ZNF521: variants seen among roughly 807,000 people sequenced by gnomAD.
ZNF521 encodes the protein zinc finger protein 521, also known as LYST-interacting protein 3.
A neutral mutation model predicts 105.5 loss-of-function variants in ZNF521; 14 were observed. The ratio of observed to expected loss-of-function variants is 0.13; its 90% CI spans 0.09 to 0.21. The LOEUF (loss-of-function observed/expected upper bound fraction) is 0.21, where lower values mean the gene tolerates loss of function less well. Ranked by LOEUF, ZNF521 falls within the 10% of genes least tolerant of loss-of-function variation. The pLI is 1.00. For missense variants in ZNF521, 1,233 were observed against 1,629.7 expected, an observed-to-expected ratio of 0.76 and a Z score of 4.19; for synonymous variants, 635 against 606.0, an observed-to-expected ratio of 1.05 and a Z score of -0.70.
intron 5 of ZNF521, among the ~76,000 whole-genome samples, chr18:25,162,065 C>G (rs1466080751): frequency 6.6e-6 from 1 of 152,126 alleles, no homozygotes; most frequent in South Asian, 2.1e-4. Flanking sequence ...TCATGTTTTC[C>G]CAAGAGAAAC....
rs111884906 is a variant in ZNF521 at position 25,149,367 on chromosome 18, C to T, written c.3658+45793G>A. Among the ~76,000 whole-genome samples the T allele has an allele frequency of 1.7e-4, 26 of 152,212 alleles. No individual in the cohort carries two copies. The East Asian group carries it at 1.7e-3, about 10-fold the overall frequency. On this transcript the variant is annotated intron_variant, in intron 5 of 7. Transcript: ENST00000361524. ...ATAGTAAGTATTAAATGGTAAAACACGTGTAAATTTGCTTTGATAACCAGA... is the reference window on the plus strand; with the variant it reads ...ATAGTAAGTATTAAATGGTAAAACATGTGTAAATTTGCTTTGATAACCAGA...
chr18:25,334,256 A>T (rs554290072), intron 2 of ZNF521, among the ~76,000 whole-genome samples: 1 of 152,320 alleles, frequency 6.6e-6, no homozygotes, highest in East Asian at 1.9e-4. Context: ...GTAGAAAAGG[A>T]GAGGGAACTC....
chr18:25,146,591 A>G (rs2034948471), intron 5 of ZNF521, among the ~76,000 whole-genome samples: 1 of 152,190 alleles, frequency 6.6e-6, no homozygotes, highest in African/African-American at 2.4e-5. Flanking sequence ...CCCCATCTTT[A>G]TTAGAAAAAC....
intron 3 of ZNF521, among the ~76,000 whole-genome samples, chr18:25,320,411 T>C (rs376368093): frequency 4.6e-5 from 7 of 152,186 alleles, no homozygotes; most frequent in African/African-American, 1.7e-4. Flanking sequence ...CCTCAGATGA[T>C]CCACCTGCCT....
At chr18:25,085,783 T>G (rs2033610383) in intron 7 of ZNF521, among the ~76,000 whole-genome samples, 2 of 151,938 alleles carry the variant, frequency 1.3e-5, no homozygotes, top group African/African-American at 4.8e-5. Flanking sequence ...AACAAAGCAC[T>G]TCTATCCACA....
intron 2 of ZNF521, among the ~76,000 whole-genome samples, chr18:25,345,735 T>C (rs1371317747): frequency 6.6e-6 from 1 of 152,202 alleles, no homozygotes; most frequent in Non-Finnish European, 1.5e-5. Context: ...GATTGGACTA[T>C]AATGAATTTA....
At chr18:25,198,616 G>GA (rs552587473) in intron 4 of ZNF521, among the ~76,000 whole-genome samples, 103 of 151,424 alleles carry the variant, frequency 6.8e-4, no homozygotes, top group Middle Eastern at 3.4e-3. Context: ...AAACAGAAAA[G>GA]AAAAAAAATT....
chr18:25,246,257 CTT>C (rs1907713302), intron 3 of ZNF521, among the ~76,000 whole-genome samples: 1 of 151,940 alleles, frequency 6.6e-6, no homozygotes, highest in Non-Finnish European at 1.5e-5. Context: ...AAAAGAAAGT[CTT>C]ATGATCTTTA....
At chr18:25,266,055 C>G (rs1381481990) in intron 3 of ZNF521, among the ~76,000 whole-genome samples, 1 of 151,890 alleles carries the variant, frequency 6.6e-6, no homozygotes, top group African/African-American at 2.4e-5. Flanking sequence ...TAGTAGGGGT[C>G]TGGGGGAAAG....
chr18:25,260,473 CT>C (rs1419640984), intron 3 of ZNF521, among the ~76,000 whole-genome samples: 1 of 152,100 alleles, frequency 6.6e-6, no homozygotes, highest in Non-Finnish European at 1.5e-5. Flanking sequence ...GTTACTTAAC[CT>C]TTTCTTCAGA....
intron 3 of ZNF521, among the ~76,000 whole-genome samples, chr18:25,262,091 A>T (rs938821125): frequency 1.3e-5 from 2 of 152,230 alleles, no homozygotes; most frequent in Non-Finnish European, 2.9e-5. Context: ...AAGTCCCTAT[A>T]CAGTACAAGG....
intron 5 of ZNF521, among the ~76,000 whole-genome samples, chr18:25,146,046 T>C (rs1352251343): frequency 2.0e-5 from 3 of 152,204 alleles, no homozygotes; most frequent in Non-Finnish European, 4.4e-5. Context: ...ATTATTTTAC[T>C]TCAACCTTCA....
rs531941000 is a variant in ZNF521, at chr18:25,298,851, A to C, written c.220+23157T>G. Among the ~76,000 whole-genome samples, 17 of 152,346 alleles carry C rather than the reference A, an allele frequency of 1.1e-4. 1 individual carries two copies. The South Asian group carries it at 3.5e-3, about 32-fold the overall frequency. On this transcript the variant is annotated intron_variant, in intron 3 of 7. Coordinates refer to ENST00000361524, the MANE Select transcript of ZNF521 (RefSeq NM_015461.3). ...AACACACCTATAGCTTCACAGAGTGAAATAAATCATTCTACAGTTTCACTT... is the reference window on the plus strand; with the variant it reads ...AACACACCTATAGCTTCACAGAGTGCAATAAATCATTCTACAGTTTCACTT...
intron 5 of ZNF521, among the ~76,000 whole-genome samples, chr18:25,171,778 A>G (rs772462149): frequency 1.3e-5 from 2 of 152,120 alleles, no homozygotes; most frequent in Non-Finnish European, 2.9e-5. Context: ...AGAATGACTG[A>G]CTGGTATTAA....
At chr18:25,193,890 C>T (rs1344881113) in intron 5 of ZNF521, among the ~76,000 whole-genome samples, 1 of 151,724 alleles carries the variant, frequency 6.6e-6, no homozygotes, top group Non-Finnish European at 1.5e-5. Flanking sequence ...CACAAATAAG[C>T]TCTTAGTCAT....
chr18:25,273,048 A>G (rs1040321133), intron 3 of ZNF521, among the ~76,000 whole-genome samples: 2 of 151,420 alleles, frequency 1.3e-5, no homozygotes, highest in African/African-American at 4.9e-5. Context: ...GCAACATGGC[A>G]AAATCCTCTC....
chr18:25,189,371 G>C (rs2035780366), intron 5 of ZNF521, among the ~76,000 whole-genome samples: 2 of 152,300 alleles, frequency 1.3e-5, no homozygotes, highest in East Asian at 1.9e-4. Flanking sequence ...TTTACAGTCT[G>C]CTTCATTGGT....
chr18:25,116,714 T>A (rs1475629941), intron 5 of ZNF521, among the ~76,000 whole-genome samples: 3 of 151,664 alleles, frequency 2.0e-5, no homozygotes, highest in Admixed American at 2.0e-4. Context: ...AAGATGAATT[T>A]CCTCCTTTTT....
chr18:25,308,855 T>C (rs929630190), intron 3 of ZNF521, among the ~76,000 whole-genome samples: 8 of 152,106 alleles, frequency 5.3e-5, no homozygotes, highest in African/African-American at 1.9e-4. Context: ...ATGGTCTTCT[T>C]AGTGTAGCAA....
Sources: gnomAD v4.1 joint callset for allele counts (sites outside exome capture counted in the v4.1 genomes callset) on GRCh38, gnomAD v4.1.1 for gene constraint, MANE v1.5 for transcripts, NCBI Gene and HGNC (gene_info 2026-07-23, HGNC 2026-07-21) for gene names.